The following KCNAB1 variants were observed in gnomAD, a reference collection of about 807,000 sequenced individuals.
KCNAB1 encodes the protein voltage-gated potassium channel subunit beta-1.
In KCNAB1, 35 loss-of-function variants were observed where a neutral mutation model predicts 64.6. That is an observed-to-expected ratio of 0.54 (90% CI 0.41 to 0.72). The LOEUF (loss-of-function observed/expected upper bound fraction) is 0.72. KCNAB1 is among the 30% of genes least tolerant of loss of function. The pLI is 0.00. For synonymous variants in KCNAB1, 177 were observed against 183.8 expected (o/e 0.96, Z 0.30); for missense variants, 401 against 512.9 (o/e 0.78, Z 2.11).
At chr3:156,264,732 TAAC>T (rs536275667) in intron 1 of KCNAB1, among the ~76,000 whole-genome samples, 40 of 152,270 alleles carry the variant, frequency 2.6e-4, no homozygotes, top group East Asian at 1.9e-3. Context: ...ATAATAATGA[TAAC>T]AACACAGTAT....
intron 1 of KCNAB1, among the ~76,000 whole-genome samples, chr3:156,414,868 A>T (rs1378443908): frequency 6.6e-6 from 1 of 152,182 alleles, no homozygotes; most frequent in Non-Finnish European, 1.5e-5. Flanking sequence ...TCAAGTTTGT[A>T]TGGTTATATC....
At chr3:156,457,408 G>A in intron 3 of KCNAB1, 45 bp from the exon 4 acceptor site, 1 of 1,612,350 alleles carries the variant, frequency 6.2e-7, no homozygotes, top group Non-Finnish European at 8.5e-7. Flanking sequence ...TTCCAGGTTT[G>A]GAAAGCATTT....
chr3:156,394,533 C>T (rs1398402830), intron 1 of KCNAB1, among the ~76,000 whole-genome samples: 3 of 152,134 alleles, frequency 2.0e-5, no homozygotes, highest in Admixed American at 6.5e-5. Flanking sequence ...GCCACCACAA[C>T]CATTTGTCAA....
intron 1 of KCNAB1, among the ~76,000 whole-genome samples, chr3:156,301,460 A>G (rs1009577034): frequency 2.6e-5 from 4 of 152,242 alleles, no homozygotes. Flanking sequence ...AATGTTCAGA[A>G]GAAATCTTAG....
At chr3:156,307,259 A>G (rs1281384577) in intron 1 of KCNAB1, among the ~76,000 whole-genome samples, 1 of 152,302 alleles carries the variant, frequency 6.6e-6, no homozygotes, top group East Asian at 1.9e-4. Flanking sequence ...GCAAAGAGAC[A>G]TGAGTCTCCA....
At chr3:156,225,985 C>T (rs111791212) in intron 1 of KCNAB1, among the ~76,000 whole-genome samples, 2,290 of 152,116 alleles carry the variant, frequency 0.015, 73 homozygotes, top group African/African-American at 0.053. Flanking sequence ...TGAAAATGAC[C>T]ATACTGCCAA....
At chr3:156,194,886 T>A (rs1002321505) in intron 1 of KCNAB1, among the ~76,000 whole-genome samples, 2 of 151,996 alleles carry the variant, frequency 1.3e-5, no homozygotes, top group African/African-American at 4.8e-5. Flanking sequence ...ATCATCTAGG[T>A]TTTAAGCCCT....
At chr3:156,534,355 G>A (rs1393447986) in intron 13 of KCNAB1, among the ~76,000 whole-genome samples, 1 of 152,120 alleles carries the variant, frequency 6.6e-6, no homozygotes, top group Non-Finnish European at 1.5e-5. Context: ...GGAGAGACAG[G>A]AGGAGAAACC....
At chr3:156,278,945 T>TTTTTTATTTA (rs1207657059) in intron 1 of KCNAB1, among the ~76,000 whole-genome samples, 1 of 152,004 alleles carries the variant, frequency 6.6e-6, no homozygotes, top group Non-Finnish European at 1.5e-5. Flanking sequence ...TTTATTTTAT[T>TTTTTTATTTA]TTTTTATTTA....
chr3:156,346,618 CT>C (rs1442703684), intron 1 of KCNAB1, among the ~76,000 whole-genome samples: 1 of 151,964 alleles, frequency 6.6e-6, no homozygotes, highest in Non-Finnish European at 1.5e-5. Flanking sequence ...TTTTTCTTTC[CT>C]AAAAAACAAG....
chr3:156,468,793 C>G (rs926489448), intron 7 of KCNAB1, among the ~76,000 whole-genome samples: 1 of 152,166 alleles, frequency 6.6e-6, no homozygotes, highest in African/African-American at 2.4e-5. Flanking sequence ...CCTTCTAGCC[C>G]TAAGAAAAGC....
intron 1 of KCNAB1, among the ~76,000 whole-genome samples, chr3:156,383,342 T>C (rs1346557334): frequency 1.3e-5 from 2 of 152,230 alleles, no homozygotes; most frequent in Non-Finnish European, 2.9e-5. Flanking sequence ...ATGGGTAATC[T>C]GCTTCAGGGG....
chr3:156,526,839 T>C (rs1301627967), intron 12 of KCNAB1, among the ~76,000 whole-genome samples: 4 of 142,042 alleles, frequency 2.8e-5, no homozygotes, highest in Non-Finnish European at 6.1e-5. Context: ...GAGAAAGGAA[T>C]AAAATGGGTG....
intron 1 of KCNAB1, among the ~76,000 whole-genome samples, chr3:156,204,398 T>C (rs1012363378): frequency 1.3e-5 from 2 of 152,228 alleles, no homozygotes; most frequent in Non-Finnish European, 2.9e-5. Context: ...ACTCAGGGTT[T>C]GGTAGGCTCC....
intron 1 of KCNAB1, among the ~76,000 whole-genome samples, chr3:156,300,863 G>A (rs73014146): frequency 0.025 from 3,859 of 152,250 alleles, 162 homozygotes; most frequent in African/African-American, 0.087. Context: ...CAGGTAGAAA[G>A]CTAACAACTT....
intron 1 of KCNAB1, among the ~76,000 whole-genome samples, chr3:156,301,216 T>G (rs114510813): frequency 0.013 from 1,985 of 152,222 alleles, 46 homozygotes; most frequent in African/African-American, 0.045. Context: ...GTTTTGTTTT[T>G]TTTTTAAAAT....
chr3:156,231,594 G>A (rs1447769668), intron 1 of KCNAB1, among the ~76,000 whole-genome samples: 1 of 148,616 alleles, frequency 6.7e-6, no homozygotes. Context: ...TCAACTAAGA[G>A]CTAGGCACCC....
rs142973592 is a variant in KCNAB1, at chr3:156,401,971, C to T, written c.276-19645C>T. Among the ~76,000 whole-genome samples the T allele has an allele frequency of 3.2e-3, 479 of 150,626 alleles. 5 individuals are homozygous for T. The highest frequency in any genetic ancestry group is 0.011 in the African/African-American group (469 of 41,050). On this transcript the variant is annotated intron_variant, in intron 1 of 13. Transcript: ENST00000490337. ...AAAGAAAAGAAAAAGTGTTACAGGG[C>T]GGGGAACATTTCACACTGGGTCCTG...
chr3:156,133,473 A>G (rs1714116639), intron 1 of KCNAB1, among the ~76,000 whole-genome samples: 1 of 152,242 alleles, frequency 6.6e-6, no homozygotes, highest in Non-Finnish European at 1.5e-5. Flanking sequence ...TTCTTTTATT[A>G]CCATATATGT....
Sources: gnomAD v4.1 joint callset for allele counts (sites outside exome capture counted in the v4.1 genomes callset) on GRCh38, gnomAD v4.1.1 for gene constraint, MANE v1.5 for transcripts, NCBI Gene and HGNC (gene_info 2026-07-23, HGNC 2026-07-21) for gene names.